JAK2: variants seen among roughly 807,000 people sequenced by gnomAD.
The protein encoded by JAK2 is Janus kinase 2, also known as tyrosine-protein kinase JAK2.
A neutral mutation model predicts 139.3 loss-of-function variants in JAK2; 86 were observed. The ratio of observed to expected loss-of-function variants is 0.62; its 90% confidence interval spans 0.52 to 0.74. The LOEUF is 0.74. Ranked by LOEUF, JAK2 falls within the 30% of genes least tolerant of loss-of-function variation. The probability of loss-of-function intolerance (pLI) is 0.00; values close to 1 mark genes in which losing one functional copy is unlikely to be tolerated. For synonymous variants in JAK2, 490 were observed against 437.7 expected (o/e 1.12, Z -1.49); for missense variants, 1,421 against 1,360.3 (o/e 1.04, Z -0.70).
intron 4 of JAK2, among the ~76,000 whole-genome samples, chr9:5,036,041 T>C (rs1014082379): frequency 3.3e-5 from 5 of 152,218 alleles, no homozygotes; most frequent in Non-Finnish European, 7.3e-5. Flanking sequence ...AGTCTCAGCA[T>C]ACAAAATCAA....
chr9:5,016,391 CTG>C (rs1822061391), intron 2 of JAK2, among the ~76,000 whole-genome samples: 1 of 152,064 alleles, frequency 6.6e-6, no homozygotes, highest in African/African-American at 2.4e-5. Context: ...ACACCACAGA[CTG>C]TGTATGTGTG....
chr9:5,033,981 G>A (rs969300052), intron 4 of JAK2, among the ~76,000 whole-genome samples: 1 of 152,190 alleles, frequency 6.6e-6, no homozygotes, highest in Admixed American at 6.5e-5. Context: ...TCAGTGTGCT[G>A]TATTCAGGAA....
chr9:5,108,192 A>AT (rs1442867898), intron 22 of JAK2: 1 of 152,116 alleles, frequency 6.6e-6, no homozygotes, highest in African/African-American at 2.4e-5. Flanking sequence ...ACCCCCACAA[A>AT]AAAGCTCTAT....
chr9:5,026,083 T>C (rs1019634461), intron 3 of JAK2, among the ~76,000 whole-genome samples: 5 of 152,196 alleles, frequency 3.3e-5, no homozygotes, highest in African/African-American at 7.2e-5. Flanking sequence ...CTTCTCCCTA[T>C]TGGATTTTTA....
chr9:5,064,054 A>G (rs1196988953), intron 8 of JAK2, among the ~76,000 whole-genome samples: 2 of 151,888 alleles, frequency 1.3e-5, no homozygotes, highest in African/African-American at 4.8e-5. Context: ...TTTTTGGGAG[A>G]CTGAGACAGG....
chr9:5,082,884 T>G (rs2130625538), intron 19 of JAK2, among the ~76,000 whole-genome samples: 1 of 152,344 alleles, frequency 6.6e-6, no homozygotes, highest in East Asian at 1.9e-4. Context: ...AGTTACAGAT[T>G]AACAGCATCT....
intron 1 of JAK2, 58 bp downstream of exon 1, chr9:4,985,688 C>A (rs536434668): frequency 6.6e-6 from 1 of 152,650 alleles, no homozygotes; most frequent in Admixed American, 6.5e-5. Context: ...TCTCCACCCC[C>A]TTCCTACCTT....
intron 13 of JAK2, 126 bp from the exon 14 acceptor site, chr9:5,073,572 G>A: frequency 1.4e-6 from 1 of 727,760 alleles, no homozygotes; most frequent in Admixed American, 2.2e-5. Flanking sequence ...AAAGCACATT[G>A]TATCCTCATC....
chr9:5,112,070 G>A, intron 22 of JAK2: 1 of 399,424 alleles, frequency 2.5e-6, no homozygotes, highest in Non-Finnish European at 5.0e-6. Flanking sequence ...TCCACGGCCT[G>A]GAGAGTAAGA....
chr9:5,068,940 T>C (rs1386712008), intron 10 of JAK2, 82 bp from the exon 11 acceptor site: 2 of 769,248 alleles, frequency 2.6e-6, no homozygotes, highest in Non-Finnish European at 4.1e-6. Flanking sequence ...TTGCTTGTTC[T>C]TGTGATATCA....
rs115874985 is a variant in JAK2, at chr9:5,011,654, C to T, written c.-25-10309C>T. On this transcript the variant is annotated intron_variant, in intron 2 of 24. Coordinates refer to ENST00000381652, the MANE Select transcript of JAK2 (RefSeq NM_004972.4). ...TGGGTCCATTTCTATTATATATATTCTTCTTTTCATGTTTAATAAGTTTCA... is the reference window on the plus strand; with the variant it reads ...TGGGTCCATTTCTATTATATATATTTTTCTTTTCATGTTTAATAAGTTTCA... Among the ~76,000 whole-genome samples the T allele has an allele frequency of 9.0e-4, 137 of 151,814 alleles. 1 individual carries two copies. Among genetic ancestry groups the T allele is most frequent in the African/African-American group, 3.1e-3 (127 of 41,378 alleles).
chr9:5,061,863 G>A (rs895453772), intron 8 of JAK2, among the ~76,000 whole-genome samples: 1 of 152,168 alleles, frequency 6.6e-6, no homozygotes, highest in Non-Finnish European at 1.5e-5. Context: ...TGAGAGATGG[G>A]TGAATCTTCC....
At chr9:5,115,133 C>A (rs1423252397) in intron 22 of JAK2, among the ~76,000 whole-genome samples, 1 of 152,076 alleles carries the variant, frequency 6.6e-6, no homozygotes, top group Non-Finnish European at 1.5e-5. Flanking sequence ...AGGCTACCTA[C>A]AGAATGGGAA....
chr9:4,989,026 C>T (rs917601803), intron 2 of JAK2, among the ~76,000 whole-genome samples: 5 of 152,144 alleles, frequency 3.3e-5, no homozygotes, highest in African/African-American at 7.2e-5. Flanking sequence ...TTCAGTGTCC[C>T]TTCCTTCTGT....
rs139723779 is a variant in JAK2 at position 5,112,461 on chromosome 9, C to A, written c.3060-10543C>A. 849 of 536,522 alleles carry A rather than the reference C, an allele frequency of 1.6e-3. 8 individuals carry two copies. Among genetic ancestry groups the A allele is most frequent in the African/African-American group, 0.016 (793 of 50,510 alleles). The allele number at this position is 536,522 out of a possible 1,614,324, so 33.2% of individuals were successfully genotyped here. ...AAGAGGAGAAGAAGGAGCTGAAGGA[C>A]CCCCGGGACCGGACCAGCCCAGACA... On this transcript the variant is annotated intron_variant, in intron 22 of 24. Coordinates refer to ENST00000381652, the MANE Select transcript of JAK2 (RefSeq NM_004972.4).
intron 3 of JAK2, among the ~76,000 whole-genome samples, 193 bp downstream of exon 3, chr9:5,022,406 G>C (rs913803119): frequency 1.3e-5 from 2 of 151,978 alleles, no homozygotes; most frequent in African/African-American, 2.4e-5. Context: ...CTTGGGCTAG[G>C]TATCAAAACA....
At chr9:5,126,647 G>T (rs369491871) in intron 24 of JAK2, 37 bp from the exon 25 acceptor site, 12 of 1,405,760 alleles carry the variant, frequency 8.5e-6, no homozygotes, top group Admixed American at 1.8e-5. Context: ...ATGGCCCTTA[G>T]TGTTCATTTA....
chr9:5,111,100 C>A, intron 22 of JAK2: 1 of 1,223,700 alleles, frequency 8.2e-7, no homozygotes, highest in Non-Finnish European at 1.1e-6. Flanking sequence ...CAGCGGCGAC[C>A]AGAACAGCTC....
At chr9:5,115,838 A>G (rs1001135972) in intron 22 of JAK2, among the ~76,000 whole-genome samples, 1 of 152,178 alleles carries the variant, frequency 6.6e-6, no homozygotes, top group Non-Finnish European at 1.5e-5. Flanking sequence ...GTTCTCGCTG[A>G]TAAGTGGGAG....
Sources: allele counts gnomAD v4.1 joint callset (sites outside exome capture counted in the v4.1 genomes callset), GRCh38; gene constraint gnomAD v4.1.1; transcripts MANE v1.5; gene names NCBI Gene and HGNC (gene_info 2026-07-23, HGNC 2026-07-21).